The following FGF14 variants were observed in gnomAD, a reference collection of about 807,000 sequenced individuals.
The protein encoded by FGF14 is fibroblast growth factor 14, also known as fibroblast growth factor homologous factor 4.
In FGF14, 5 loss-of-function variants were observed where a neutral mutation model predicts 25.5. The ratio of observed to expected loss-of-function variants is 0.20; its 90% CI spans 0.10 to 0.41. FGF14 has a LOEUF of 0.41. Among genes scored for constraint, FGF14 ranks in the 10% least tolerant of loss-of-function variants. The pLI is 1.00. For synonymous variants in FGF14, 138 were observed against 118.3 expected (o/e 1.17, Z -1.08); for missense variants, 222 against 320.1 (o/e 0.69, Z 2.34).
At chr13:101,988,862 A>C (rs184674033) in intron 1 of FGF14, among the ~76,000 whole-genome samples, 1 of 152,216 alleles carries the variant, frequency 6.6e-6, no homozygotes, top group African/African-American at 2.4e-5. Flanking sequence ...ATAATAATAA[A>C]AAAATAAAAT....
At chr13:102,151,480 G>A (rs979668223) in intron 1 of FGF14, among the ~76,000 whole-genome samples, 4 of 152,108 alleles carry the variant, frequency 2.6e-5, no homozygotes, top group South Asian at 2.1e-4. Flanking sequence ...TGCTGAGGAT[G>A]AGATACCTTC....
chr13:102,272,632 T>C (rs1409497445), intron 1 of FGF14, among the ~76,000 whole-genome samples: 1 of 152,182 alleles, frequency 6.6e-6, no homozygotes, highest in Non-Finnish European at 1.5e-5. Context: ...TAAATAAAAA[T>C]GCATACCCAG....
At chr13:102,381,897 T>C (rs2058191447) in intron 1 of FGF14, among the ~76,000 whole-genome samples, 1 of 152,186 alleles carries the variant, frequency 6.6e-6, no homozygotes, top group Admixed American at 6.5e-5. Flanking sequence ...GATTTACATG[T>C]CCCATGAGAT....
In FGF14 at chr13:101,916,553, G is replaced by T. The variant is rs761693008; in HGVS notation, c.93C>A (p.Ser31Arg). Residue 31 changes from serine to arginine, a missense_variant, in exon 1 of 5, where the codon AGC (serine) becomes AGA (arginine). Coordinates refer to ENST00000376143, the MANE Select transcript of FGF14 (RefSeq NM_004115.4). ...WDRPSASRRR[S>R]SPSKNRGLCN... ...AGAGCCCGCGGTTCTTGCTGGGGCT[G>T]CTCCGCCTCCTGCTGGCAGACGGCC... is the stretch of plus-strand genomic sequence containing the variant. 1 of 1,613,214 alleles carries T rather than the reference G, an allele frequency of 6.2e-7. No homozygotes were observed.
At chr13:101,727,478 G>A (rs1256725233) in intron 3 of FGF14, among the ~76,000 whole-genome samples, 1 of 152,094 alleles carries the variant, frequency 6.6e-6, no homozygotes, top group Non-Finnish European at 1.5e-5. Flanking sequence ...ATCAAAAGCT[G>A]CTCCAACTGA....
intron 1 of FGF14, among the ~76,000 whole-genome samples, chr13:102,275,383 T>C (rs1330414934): frequency 2.0e-5 from 3 of 152,088 alleles, no homozygotes; most frequent in Admixed American, 2.0e-4. Context: ...ATTTAAATCA[T>C]AACATCTGGA....
chr13:101,792,577 T>C (rs1269645097), intron 3 of FGF14, among the ~76,000 whole-genome samples: 1 of 152,140 alleles, frequency 6.6e-6, no homozygotes, highest in African/African-American at 2.4e-5. Context: ...ATGCCCCAAA[T>C]AGACTGCCAT....
At chr13:102,237,311 G>A (rs145842362) in intron 1 of FGF14, among the ~76,000 whole-genome samples, 1 of 152,144 alleles carries the variant, frequency 6.6e-6, no homozygotes, top group African/African-American at 2.4e-5. Flanking sequence ...CCCTGCATCC[G>A]AGCAGCAGGA....
chr13:101,780,281 C>A (rs1001721740), intron 3 of FGF14, among the ~76,000 whole-genome samples: 14 of 152,152 alleles, frequency 9.2e-5, no homozygotes, highest in African/African-American at 3.4e-4. Flanking sequence ...TAGAAAGGCA[C>A]CCTTGCTTCC....
intron 1 of FGF14, among the ~76,000 whole-genome samples, chr13:102,349,909 TC>T (rs1427504707): frequency 1.3e-5 from 2 of 152,190 alleles, no homozygotes; most frequent in Non-Finnish European, 2.9e-5. Context: ...ATTTTTCTCC[TC>T]AGAATAAAGC....
At chr13:102,125,168 T>G (rs1425232327) in intron 1 of FGF14, among the ~76,000 whole-genome samples, 1 of 152,156 alleles carries the variant, frequency 6.6e-6, no homozygotes, top group South Asian at 2.1e-4. Context: ...CTTGATCAAC[T>G]TTTCCCATAT....
At chr13:102,161,644 A>AGGAGG (rs1566765067) in intron 1 of FGF14, among the ~76,000 whole-genome samples, 2 of 17,022 alleles carry the variant, frequency 1.2e-4, no homozygotes, top group Non-Finnish European at 2.3e-4. Flanking sequence ...GAAGAAGAAG[A>AGGAGG]AGAAGAAGAA....
chr13:101,751,602 G>A (rs2037279876), intron 3 of FGF14, among the ~76,000 whole-genome samples: 1 of 152,110 alleles, frequency 6.6e-6, no homozygotes, highest in African/African-American at 2.4e-5. Context: ...TCTAGGTCAG[G>A]AGTGAGAAAA....
At chr13:102,119,430 TAAG>T (rs1249776929) in intron 1 of FGF14, among the ~76,000 whole-genome samples, 3 of 152,130 alleles carry the variant, frequency 2.0e-5, no homozygotes, top group Non-Finnish European at 2.9e-5. Context: ...GGATCCTGGA[TAAG>T]AAAATTACTA....
chr13:101,893,935 T>C (rs978254116), intron 1 of FGF14, among the ~76,000 whole-genome samples: 1 of 152,094 alleles, frequency 6.6e-6, no homozygotes, highest in African/African-American at 2.4e-5. Flanking sequence ...TGTGTTTTCT[T>C]TGACTCCCAG....
intron 1 of FGF14, among the ~76,000 whole-genome samples, chr13:102,327,794 G>A (rs898091936): frequency 7.3e-5 from 11 of 151,022 alleles, no homozygotes; most frequent in Admixed American, 7.2e-4. Flanking sequence ...AGCCATGGTG[G>A]TGCCACTGCA....
intron 1 of FGF14, among the ~76,000 whole-genome samples, chr13:102,234,871 T>C (rs527614620): frequency 2.6e-5 from 4 of 152,208 alleles, no homozygotes; most frequent in Non-Finnish European, 5.9e-5. Context: ...AAGCCATGTG[T>C]AGAAAAGACT....
At chr13:102,291,185 G>A (rs1281508102) in intron 1 of FGF14, among the ~76,000 whole-genome samples, 2 of 152,206 alleles carry the variant, frequency 1.3e-5, no homozygotes, top group Non-Finnish European at 2.9e-5. Flanking sequence ...GCCACACGCT[G>A]TTGAAAATAT....
intron 1 of FGF14, among the ~76,000 whole-genome samples, chr13:102,294,414 C>CAAA (rs56656066): frequency 2.4e-5 from 3 of 123,024 alleles, no homozygotes; most frequent in African/African-American, 8.9e-5. Flanking sequence ...CTGTTTGGTC[C>CAAA]AAAAAAAAAA....
Sources: gnomAD v4.1 joint callset for allele counts (sites outside exome capture counted in the v4.1 genomes callset) on GRCh38, gnomAD v4.1.1 for gene constraint, MANE v1.5 for transcripts, NCBI Gene and HGNC (gene_info 2026-07-23, HGNC 2026-07-21) for gene names.